The following GALNTL6 variants were observed in gnomAD, a reference collection of about 807,000 sequenced individuals.
GALNTL6 encodes polypeptide N-acetylgalactosaminyltransferase like 6.
GALNTL6 carries 46 observed loss-of-function variants against 73.7 expected under a neutral mutation model. The ratio of observed to expected loss-of-function variants is 0.62; its 90% CI spans 0.49 to 0.80. The LOEUF (loss-of-function observed/expected upper bound fraction) is 0.80, where lower values mean the gene tolerates loss of function less well. GALNTL6 is among the 30% of genes least tolerant of loss of function. The probability of loss-of-function intolerance (pLI) is 0.00; values close to 1 mark genes in which losing one functional copy is unlikely to be tolerated. For missense variants in GALNTL6, 604 were observed against 755.0 expected (o/e 0.80, Z 2.34); for synonymous variants, 259 against 263.7 (o/e 0.98, Z 0.17).
At chr4:172,194,559 G>A (rs1196931884) in intron 2 of GALNTL6, among the ~76,000 whole-genome samples, 1 of 152,152 alleles carries the variant, frequency 6.6e-6, no homozygotes, top group Non-Finnish European at 1.5e-5. Flanking sequence ...AGGTGAGGTC[G>A]CCTATAAAGC....
intron 5 of GALNTL6, among the ~76,000 whole-genome samples, chr4:172,457,137 C>T (rs1732426975): frequency 6.6e-6 from 1 of 151,978 alleles, no homozygotes; most frequent in East Asian, 1.9e-4. Flanking sequence ...AAATCCTTTA[C>T]AGGCAAGCAA....
intron 10 of GALNTL6, among the ~76,000 whole-genome samples, chr4:172,981,211 A>C (rs1751049199): frequency 2.0e-5 from 3 of 152,176 alleles, no homozygotes; most frequent in African/African-American, 7.2e-5. Flanking sequence ...TTGGGTATAC[A>C]CCTAGTAGTG....
intron 3 of GALNTL6, among the ~76,000 whole-genome samples, chr4:172,276,024 ATGCAATAGTTATAAT>A (rs1428226358): frequency 6.6e-6 from 1 of 152,200 alleles, no homozygotes; most frequent in Non-Finnish European, 1.5e-5. Context: ...TAATTGCTTA[ATGCAATAGTTATAAT>A]ATTTTTAAAC....
At chr4:172,565,989 G>T (rs1736541558) in intron 5 of GALNTL6, among the ~76,000 whole-genome samples, 1 of 151,942 alleles carries the variant, frequency 6.6e-6, no homozygotes, top group African/African-American at 2.4e-5. Flanking sequence ...TCATCAGTAA[G>T]ATATAAAAAT....
intron 5 of GALNTL6, among the ~76,000 whole-genome samples, chr4:172,405,115 A>T (rs2111331308): frequency 6.6e-6 from 1 of 151,958 alleles, no homozygotes; most frequent in East Asian, 1.9e-4. Flanking sequence ...GAGCAAAATG[A>T]AATGATTCGG....
At chr4:172,833,100 G>A (rs1390268477) in intron 7 of GALNTL6, among the ~76,000 whole-genome samples, 1 of 151,790 alleles carries the variant, frequency 6.6e-6, no homozygotes, top group Non-Finnish European at 1.5e-5. Flanking sequence ...TGGGGGGTAG[G>A]GAGTGTTACA....
At chr4:172,199,516 C>G (rs1735886768) in intron 2 of GALNTL6, among the ~76,000 whole-genome samples, 1 of 152,080 alleles carries the variant, frequency 6.6e-6, no homozygotes, top group Admixed American at 6.5e-5. Context: ...ATCTGTCTTT[C>G]CCAGTAAGTT....
At chr4:172,249,906 G>A (rs541844914) in intron 3 of GALNTL6, among the ~76,000 whole-genome samples, 2 of 152,294 alleles carry the variant, frequency 1.3e-5, no homozygotes, top group East Asian at 3.9e-4. Context: ...GTGCAGAAGG[G>A]AAATGTAGGG....
At chr4:172,439,913 A>T (rs1731767424) in intron 5 of GALNTL6, among the ~76,000 whole-genome samples, 1 of 152,080 alleles carries the variant, frequency 6.6e-6, no homozygotes, top group Admixed American at 6.6e-5. Flanking sequence ...ACGAACCTAC[A>T]TTGGCAAATC....
intron 5 of GALNTL6, among the ~76,000 whole-genome samples, chr4:172,750,774 C>T (rs1737377960): frequency 2.0e-5 from 3 of 152,088 alleles, no homozygotes; most frequent in South Asian, 2.1e-4. Flanking sequence ...TTGTATTTTA[C>T]CCATATTTTT....
At chr4:172,848,190 C>T (rs1222833808) in intron 7 of GALNTL6, among the ~76,000 whole-genome samples, 2 of 152,116 alleles carry the variant, frequency 1.3e-5, no homozygotes, top group East Asian at 3.9e-4. Context: ...TGTACATGAC[C>T]CTGAAAACCT....
At chr4:172,334,524 C>T (rs527458425) in intron 4 of GALNTL6, among the ~76,000 whole-genome samples, 2 of 152,104 alleles carry the variant, frequency 1.3e-5, no homozygotes, top group African/African-American at 2.4e-5. Context: ...ATTGCCTTCT[C>T]GATTTCTTCT....
At chr4:172,732,907 C>T (rs1736236099) in intron 5 of GALNTL6, among the ~76,000 whole-genome samples, 1 of 152,166 alleles carries the variant, frequency 6.6e-6, no homozygotes, top group South Asian at 2.1e-4. Flanking sequence ...ATTTTAATTA[C>T]CTATCTCTTA....
chr4:172,234,832 T>C (rs1737186519), intron 3 of GALNTL6, among the ~76,000 whole-genome samples: 1 of 152,154 alleles, frequency 6.6e-6, no homozygotes. Context: ...ATACTTGCTG[T>C]TTTTTATACT....
rs138226905 is a variant in GALNTL6, at chr4:172,063,170, C to T, written c.139-166486C>T. On this transcript the variant is annotated intron_variant, in intron 2 of 12. Transcript: ENST00000506823. ...GGAAAGCTCTGCAGGGGAAGGACAA[C>T]GTAGCTGAATATCTGTGAAGGCTAG... is the stretch of plus-strand genomic sequence containing the variant. Among the ~76,000 whole-genome samples, 1,116 of 152,288 alleles carry T rather than the reference C, an allele frequency of 7.3e-3. 7 individuals are homozygous for T. The highest frequency in any genetic ancestry group is 0.011 in the Non-Finnish European group (764 of 68,026).
chr4:172,595,086 T>C (rs1423879297), intron 5 of GALNTL6, among the ~76,000 whole-genome samples: 2 of 152,194 alleles, frequency 1.3e-5, no homozygotes, highest in African/African-American at 2.4e-5. Flanking sequence ...ATAAGTGCAC[T>C]AATCCCATTC....
intron 5 of GALNTL6, among the ~76,000 whole-genome samples, chr4:172,368,388 A>G (rs1329501155): frequency 2.0e-5 from 3 of 152,150 alleles, no homozygotes; most frequent in Non-Finnish European, 4.4e-5. Flanking sequence ...CTCAAAACAA[A>G]TAACAACAAC....
At chr4:172,322,122 G>C (rs1213153880) in intron 4 of GALNTL6, among the ~76,000 whole-genome samples, 1 of 152,122 alleles carries the variant, frequency 6.6e-6, no homozygotes, top group East Asian at 1.9e-4. Context: ...GAAGAATCAG[G>C]GGAGAAGTAA....
chr4:172,163,904 G>C (rs916151297), intron 2 of GALNTL6, among the ~76,000 whole-genome samples: 1 of 151,870 alleles, frequency 6.6e-6, no homozygotes, highest in African/African-American at 2.4e-5. Context: ...GAAAATATAG[G>C]AGTAATTTTT....
Sources: allele counts gnomAD v4.1 joint callset (sites outside exome capture counted in the v4.1 genomes callset), GRCh38; gene constraint gnomAD v4.1.1; transcripts MANE v1.5; gene names NCBI Gene and HGNC (gene_info 2026-07-23, HGNC 2026-07-21).